Variants in FAM227B observed in about 807,000 individuals in gnomAD.
The protein encoded by FAM227B is protein FAM227B.
Under a neutral mutation model 73.8 loss-of-function variants are expected in FAM227B, and 88 were observed. The observed-to-expected ratio is 1.19, with a 90% CI of 1.00 to 1.42. FAM227B has a LOEUF of 1.42. Among genes scored for constraint, FAM227B ranks in the 40% most tolerant of loss-of-function variants. The pLI is 0.00. For synonymous variants in FAM227B, 210 were observed against 190.5 expected (o/e 1.10, Z -0.84); for missense variants, 632 against 590.9 (o/e 1.07, Z -0.72).
chr15:49,330,435 A>T (rs1262319142), intron 15 of FAM227B: 1 of 152,228 alleles, frequency 6.6e-6, no homozygotes. Context: ...GCAGTATCAG[A>T]TATTCTGGAT....
At chr15:49,503,352 G>C (rs890872805) in intron 11 of FAM227B, among the ~76,000 whole-genome samples, 23 of 152,216 alleles carry the variant, frequency 1.5e-4, no homozygotes, top group Non-Finnish European at 2.9e-4. Context: ...TATCATTCAG[G>C]ACATAGGCAT....
At chr15:49,470,039 C>T in intron 11 of FAM227B, among the ~76,000 whole-genome samples, 1 of 152,146 alleles carries the variant, frequency 6.6e-6, no homozygotes, top group East Asian at 1.9e-4. Context: ...TTTCTTAATT[C>T]TCTGGTAAAA....
chr15:49,591,418 G>A (rs1367775549), intron 3 of FAM227B, among the ~76,000 whole-genome samples: 12 of 92,986 alleles, frequency 1.3e-4, no homozygotes, highest in Non-Finnish European at 2.2e-4. Context: ...CCCTCCTTCC[G>A]TCCTTCCTCA....
intron 11 of FAM227B, among the ~76,000 whole-genome samples, chr15:49,478,010 G>C (rs2055516208): frequency 6.6e-6 from 1 of 152,166 alleles, no homozygotes; most frequent in South Asian, 2.1e-4. Context: ...TTTGAGGTAT[G>C]ATTGCTCCCA....
At chr15:49,406,192 G>A (rs916536857) in intron 11 of FAM227B, among the ~76,000 whole-genome samples, 1 of 152,190 alleles carries the variant, frequency 6.6e-6, no homozygotes, top group African/African-American at 2.4e-5. Flanking sequence ...GCTTTTCATA[G>A]CGCAGTGACA....
intron 3 of FAM227B, among the ~76,000 whole-genome samples, chr15:49,610,619 T>C (rs1255456402): frequency 6.6e-6 from 1 of 152,092 alleles, no homozygotes; most frequent in Non-Finnish European, 1.5e-5. Context: ...AAGCCACCTT[T>C]TTTCTGTTTT....
intron 11 of FAM227B, chr15:49,422,843 T>C: frequency 1.4e-6 from 1 of 703,800 alleles, no homozygotes; most frequent in South Asian, 2.1e-5. Context: ...CACATACCAG[T>C]TTTGTTCTAA....
intron 11 of FAM227B, among the ~76,000 whole-genome samples, chr15:49,384,336 C>A (rs2046740979): frequency 6.6e-6 from 1 of 151,994 alleles, no homozygotes; most frequent in African/African-American, 2.4e-5. Context: ...TATTATCACT[C>A]ATTCTATCCA....
In FAM227B at chr15:49,328,612, GTGA is replaced by G. The variant is rs747851240; in HGVS notation, c.1480_1482del (p.Ser494del). On this transcript the variant is annotated inframe_deletion, in exon 16 of 16. Coordinates refer to ENST00000299338, the MANE Select transcript of FAM227B (RefSeq NM_152647.3). ...AAGTTGTAGTTGTCTGTTGATGATG[GTGA>G]TGATGATGATGATGACGATAGTGAT... is the stretch of plus-strand genomic sequence containing the variant. The G allele has an allele frequency of 1.1e-4, 169 of 1,587,008 alleles. No individual in the cohort carries two copies. The highest frequency in any genetic ancestry group is 5.0e-4 in the African/African-American group (37 of 74,742).
chr15:49,443,374 T>C (rs1317611431), intron 11 of FAM227B, among the ~76,000 whole-genome samples: 2 of 151,496 alleles, frequency 1.3e-5, no homozygotes, highest in East Asian at 3.9e-4. Context: ...TTCCCAACTC[T>C]GTTCAGTGAT....
intron 9 of FAM227B, among the ~76,000 whole-genome samples, chr15:49,566,195 T>C (rs1380665534): frequency 2.0e-5 from 3 of 152,226 alleles, no homozygotes; most frequent in African/African-American, 7.2e-5. Flanking sequence ...TGATTTTTCT[T>C]GGGAAGTGAA....
chr15:49,365,104 T>G lies in FAM227B; in HGVS notation c.1271+2344A>C, dbSNP rs113149615. The G allele has an allele frequency of 4.4e-6, 3 of 682,878 alleles. No individual in the cohort carries two copies. The East Asian group carries it at 7.5e-5, about 17-fold the overall frequency. The allele number at this position is 682,878 out of a possible 1,614,324, so 42.3% of individuals were successfully genotyped here. A position where few individuals can be genotyped will look rare whatever the true frequency, so the allele number is the denominator to read the frequency against. On this transcript the variant is annotated intron_variant, in intron 13 of 15. Transcript: ENST00000299338. Reference sequence around the variant, plus strand: ...TTTGTAGAAAATCAATGACACATTATAGCAGTTCCACATAATATTATTGCT... The same window carrying G: ...TTTGTAGAAAATCAATGACACATTAGAGCAGTTCCACATAATATTATTGCT...
At chr15:49,491,200 T>C (rs544160651) in intron 11 of FAM227B, among the ~76,000 whole-genome samples, 68 of 152,072 alleles carry the variant, frequency 4.5e-4, no homozygotes, top group African/African-American at 1.4e-3. Context: ...ACAGCTTTAT[T>C]ACTTCATGCC....
At chr15:49,501,098 A>G (rs948424900) in intron 11 of FAM227B, among the ~76,000 whole-genome samples, 1 of 152,320 alleles carries the variant, frequency 6.6e-6, no homozygotes. Flanking sequence ...ATTCTTTTAT[A>G]GCAACACAAG....
chr15:49,350,121 T>A (rs967123931), intron 13 of FAM227B, among the ~76,000 whole-genome samples: 8 of 152,160 alleles, frequency 5.3e-5, no homozygotes, highest in African/African-American at 1.9e-4. Context: ...TCAATTTCTA[T>A]AAAATAAATT....
intron 13 of FAM227B, among the ~76,000 whole-genome samples, chr15:49,343,060 A>C (rs1365918448): frequency 6.6e-6 from 1 of 151,986 alleles, no homozygotes; most frequent in African/African-American, 2.4e-5. Context: ...CTGGTTGTCT[A>C]CCTCTCTAAC....
At chr15:49,352,916 T>C (rs1018896963) in intron 13 of FAM227B, among the ~76,000 whole-genome samples, 4 of 152,198 alleles carry the variant, frequency 2.6e-5, no homozygotes, top group Non-Finnish European at 5.9e-5. Context: ...TCTGTTACAC[T>C]GGTGTTCTGT....
chr15:49,398,291 G>T (rs1234449200), intron 11 of FAM227B, among the ~76,000 whole-genome samples: 1 of 150,980 alleles, frequency 6.6e-6, no homozygotes, highest in East Asian at 1.9e-4. Flanking sequence ...TCAACAAGAA[G>T]AGCTAACTAT....
intron 13 of FAM227B, chr15:49,354,063 G>A (rs1411243025): frequency 1.3e-5 from 2 of 152,122 alleles, no homozygotes; most frequent in African/African-American, 4.8e-5. Context: ...TTTTTTCACT[G>A]TTGACAATTT....
Sources: gnomAD v4.1 joint callset for allele counts (sites outside exome capture counted in the v4.1 genomes callset) on GRCh38, gnomAD v4.1.1 for gene constraint, MANE v1.5 for transcripts, NCBI Gene and HGNC (gene_info 2026-07-23, HGNC 2026-07-21) for gene names.